The following SBF2 variants were observed in gnomAD, a reference collection of about 807,000 sequenced individuals.
SBF2 encodes the protein SET binding factor 2.
A neutral mutation model predicts 225.2 loss-of-function variants in SBF2; 112 were observed. That is an observed-to-expected ratio of 0.50 (90% confidence interval 0.43 to 0.58). SBF2 has a LOEUF of 0.58. Ranked by LOEUF, SBF2 falls within the 20% of genes least tolerant of loss-of-function variation. The probability of loss-of-function intolerance (pLI) is 0.00; values close to 1 mark genes in which losing one functional copy is unlikely to be tolerated. For missense variants in SBF2, 1,996 were observed against 2,206.2 expected (o/e 0.90, Z 1.91); for synonymous variants, 763 against 773.3 (o/e 0.99, Z 0.22).
intron 2 of SBF2, among the ~76,000 whole-genome samples, chr11:10,119,044 T>C (rs1565250364): frequency 6.6e-6 from 1 of 152,042 alleles, no homozygotes; most frequent in Non-Finnish European, 1.5e-5. Context: ...TGCCAGTAGA[T>C]ATTTTGCAAT....
At chr11:10,075,376 G>A (rs1369768531) in intron 2 of SBF2, among the ~76,000 whole-genome samples, 1 of 152,210 alleles carries the variant, frequency 6.6e-6, no homozygotes, top group Non-Finnish European at 1.5e-5. Context: ...CAAGTAATGA[G>A]TAACATCTTC....
chr11:10,141,093 T>C (rs1954619243), intron 2 of SBF2, among the ~76,000 whole-genome samples: 1 of 152,206 alleles, frequency 6.6e-6, no homozygotes, highest in Admixed American at 6.5e-5. Flanking sequence ...AATATAAAAA[T>C]GCTTGATCTC....
intron 2 of SBF2, among the ~76,000 whole-genome samples, chr11:10,063,957 G>A (rs933331372): frequency 4.6e-5 from 7 of 151,756 alleles, no homozygotes; most frequent in African/African-American, 9.7e-5. Flanking sequence ...TTAAGGCGTC[G>A]GGGGGAGCAA....
At chr11:10,249,513 C>A (rs554060965) in intron 1 of SBF2, among the ~76,000 whole-genome samples, 1 of 152,242 alleles carries the variant, frequency 6.6e-6, no homozygotes, top group Non-Finnish European at 1.5e-5. Flanking sequence ...TTCCCTCTAT[C>A]AATGAGTAAA....
chr11:9,790,861 C>T (rs751727570), intron 33 of SBF2, 178 bp from the exon 34 acceptor site: 17 of 527,250 alleles, frequency 3.2e-5, no homozygotes, highest in African/African-American at 1.2e-4. Flanking sequence ...TGAATTTCAT[C>T]GCTACAGGGA....
intron 2 of SBF2, among the ~76,000 whole-genome samples, chr11:10,067,712 T>A (rs542093325): frequency 6.6e-6 from 1 of 151,956 alleles, no homozygotes; most frequent in Non-Finnish European, 1.5e-5. Context: ...CTGGGCAACA[T>A]AGGGAGACCC....
chr11:9,852,611 C>G, intron 21 of SBF2, 65 bp downstream of exon 21: 2 of 1,148,346 alleles, frequency 1.7e-6, no homozygotes, highest in South Asian at 1.2e-5. Context: ...TCCTGGCACA[C>G]AGCAGTCTAT....
At chr11:10,198,889 C>T (rs537070328) in intron 1 of SBF2, among the ~76,000 whole-genome samples, 1 of 152,298 alleles carries the variant, frequency 6.6e-6, no homozygotes, top group East Asian at 1.9e-4. Flanking sequence ...AGAGTTAGGG[C>T]CTTGTGCTGA....
intron 38 of SBF2, 41 bp downstream of exon 38, chr11:9,784,310 G>C (rs1480310773): frequency 7.0e-7 from 1 of 1,435,926 alleles, no homozygotes; most frequent in Non-Finnish European, 9.8e-7. Context: ...ACTGGGACTA[G>C]CCTAGACAGA....
intron 1 of SBF2, among the ~76,000 whole-genome samples, chr11:10,235,066 T>C (rs1307735906): frequency 1.3e-5 from 2 of 152,190 alleles, no homozygotes; most frequent in Admixed American, 1.3e-4. Flanking sequence ...TAGCCTCAAA[T>C]ACAAATACCT....
chr11:9,809,703 C>T (rs948133158), intron 30 of SBF2, among the ~76,000 whole-genome samples: 1 of 151,950 alleles, frequency 6.6e-6, no homozygotes, highest in African/African-American at 2.4e-5. Flanking sequence ...TACCAGTGCA[C>T]CCGGCTAATT....
At chr11:10,111,800 C>T (rs962503299) in intron 2 of SBF2, among the ~76,000 whole-genome samples, 1 of 152,202 alleles carries the variant, frequency 6.6e-6, no homozygotes, top group Non-Finnish European at 1.5e-5. Flanking sequence ...TCGCTTGAAC[C>T]CGGGAGACAG....
intron 1 of SBF2, among the ~76,000 whole-genome samples, chr11:10,244,785 TTAATATC>T (rs559448106): frequency 1.3e-5 from 2 of 152,178 alleles, no homozygotes; most frequent in African/African-American, 4.8e-5. Flanking sequence ...TGATAAAAGA[TTAATATC>T]TAAAATATAC....
intron 37 of SBF2, 63 bp downstream of exon 37, chr11:9,785,062 G>T: frequency 1.4e-6 from 2 of 1,437,608 alleles, no homozygotes; most frequent in South Asian, 2.3e-5. Flanking sequence ...TGAGGGACCT[G>T]TGGTTTAGCC....
intron 2 of SBF2, among the ~76,000 whole-genome samples, chr11:10,105,198 CTG>C (rs973789778): frequency 4.6e-5 from 7 of 152,130 alleles, no homozygotes; most frequent in African/African-American, 1.4e-4. Context: ...AAAGAAAACA[CTG>C]TGTCTTGAAA....
intron 2 of SBF2, among the ~76,000 whole-genome samples, chr11:10,065,174 A>G (rs1002859029): frequency 6.6e-6 from 1 of 152,196 alleles, no homozygotes; most frequent in Non-Finnish European, 1.5e-5. Flanking sequence ...TAACTCATAA[A>G]CCAAAGAAGA....
chr11:10,258,967 G>C (rs1030345162), intron 1 of SBF2, among the ~76,000 whole-genome samples: 2 of 152,146 alleles, frequency 1.3e-5, no homozygotes, highest in African/African-American at 4.8e-5. Context: ...AACAGAGAAG[G>C]CATAGAGAAA....
intron 2 of SBF2, among the ~76,000 whole-genome samples, chr11:10,179,427 TA>T (rs200158953): frequency 0.073 from 11,040 of 151,262 alleles, 580 homozygotes; most frequent in East Asian, 0.28. Flanking sequence ...AAAAAAAACT[TA>T]TTTTTGTCAC....
chr11:9,978,623 GTTTGTTTGATTGTT>G (rs2134423274), intron 13 of SBF2, among the ~76,000 whole-genome samples: 1 of 151,966 alleles, frequency 6.6e-6, no homozygotes, highest in East Asian at 1.9e-4. Flanking sequence ...CCATGTTTTT[GTTTGTTTGATTGTT>G]TTTGTTTGTT....
Sources: allele counts gnomAD v4.1 joint callset (sites outside exome capture counted in the v4.1 genomes callset), GRCh38; gene constraint gnomAD v4.1.1; transcripts MANE v1.5; gene names NCBI Gene and HGNC (gene_info 2026-07-23, HGNC 2026-07-21).